Variants in PPP1R12A observed in about 807,000 individuals in gnomAD.
The protein encoded by PPP1R12A is protein phosphatase 1 regulatory subunit 12A.
A neutral mutation model predicts 139.6 loss-of-function variants in PPP1R12A; 19 were observed. The observed-to-expected ratio is 0.14, with a 90% confidence interval of 0.09 to 0.20. The LOEUF (loss-of-function observed/expected upper bound fraction) is 0.20. Among genes scored for constraint, PPP1R12A ranks in the 10% least tolerant of loss-of-function variants. The pLI is 1.00. For missense variants in PPP1R12A, 925 were observed against 1,211.5 expected, an observed-to-expected ratio of 0.76 and a Z score of 3.51; for synonymous variants, 427 against 420.6, an observed-to-expected ratio of 1.02 and a Z score of -0.19.
chr12:79,899,261 T>A lies in PPP1R12A; in HGVS notation c.238-26323A>T, dbSNP rs1393650590. ...ATATATATATATATATATATATATA[T>A]ATATATATATATATATATATATTCA... is the stretch of plus-strand genomic sequence containing the variant. On this transcript the variant is annotated intron_variant, in intron 1 of 24. Transcript: ENST00000450142. Among the ~76,000 whole-genome samples, 23 of 3,382 alleles carry A rather than the reference T, an allele frequency of 6.8e-3. 2 individuals carry two copies. The highest frequency in any genetic ancestry group is 0.013 in the African/African-American group (22 of 1,666). 2.2% of individuals were successfully genotyped at this position (3,382 alleles called of 152,430 possible).
intron 2 of PPP1R12A, among the ~76,000 whole-genome samples, chr12:79,860,904 T>A (rs774030234): frequency 1.3e-5 from 2 of 152,202 alleles, no homozygotes; most frequent in African/African-American, 4.8e-5. Flanking sequence ...GTGTAACGTA[T>A]GTGTAATACA....
intron 1 of PPP1R12A, among the ~76,000 whole-genome samples, chr12:79,900,776 T>C (rs576000911): frequency 6.6e-6 from 1 of 152,132 alleles, no homozygotes; most frequent in African/African-American, 2.4e-5. Context: ...CAGCAATCAA[T>C]GACATGTCAT....
chr12:79,779,424 A>G, intron 23 of PPP1R12A: 1 of 1,064,644 alleles, frequency 9.4e-7, no homozygotes, highest in South Asian at 1.3e-5. Flanking sequence ...TTCCCAGATT[A>G]ATAAATAATG....
Position 79,805,715 on chromosome 12 carries a change from A to G in PPP1R12A, c.1877T>C (p.Val626Ala), listed in dbSNP as rs1873744067. 7.4e-6 allele frequency: 12 copies of G among 1,613,378 alleles called. No individual in the cohort carries two copies. Among genetic ancestry groups the G allele is most frequent in the Non-Finnish European group, 1.0e-5 (12 of 1,179,616 alleles). Residue 626 changes from valine to alanine, a missense_variant, in exon 14 of 25, where the codon GTT becomes GCT. Physicochemically the swap from Val to Ala is moderately conservative, Grantham distance 64 (BLOSUM62 0). This residue lies in a region of PPP1R12A where 403 missense variants were observed against 463.7 expected (regional missense o/e 0.87). Coordinates refer to ENST00000450142, the MANE Select transcript of PPP1R12A (RefSeq NM_002480.3). ...AACAGGAATGGTCACTGCCGTAGGA[A>G]CACTGTCCTTTTCTTTCTCAGTACT... is the stretch of plus-strand genomic sequence containing the variant. Reference protein sequence around the residue: ...EDSTEKEKDSVPTAVTIPVAP... With the variant: ...EDSTEKEKDSAPTAVTIPVAP...
chr12:79,888,901 T>TTCTA (rs1233528556), intron 1 of PPP1R12A, among the ~76,000 whole-genome samples: 1 of 152,148 alleles, frequency 6.6e-6, no homozygotes, highest in Non-Finnish European at 1.5e-5. Flanking sequence ...AACAATTTGG[T>TTCTA]TCTATCTATC....
At chr12:79,875,821 C>T (rs1460288624) in intron 1 of PPP1R12A, among the ~76,000 whole-genome samples, 1 of 152,126 alleles carries the variant, frequency 6.6e-6, no homozygotes, top group Non-Finnish European at 1.5e-5. Context: ...CCTTTATCTA[C>T]CCATCCCCTT....
At chr12:79,781,683 T>C in intron 23 of PPP1R12A, 132 bp downstream of exon 23, 1 of 494,512 alleles carries the variant, frequency 2.0e-6, no homozygotes, top group Non-Finnish European at 3.5e-6. Context: ...TGCTGCAAAA[T>C]ACATTAACTC....
rs1439197067 is a variant in PPP1R12A at position 79,808,567 on chromosome 12, C to T, written c.1466G>A (p.Ser489Asn). The T allele has an allele frequency of 6.3e-7, 1 of 1,599,482 alleles. No homozygotes were observed. The highest frequency in any genetic ancestry group is 8.6e-7 in the Non-Finnish European group (1 of 1,168,876). Residue 489 changes from serine (S) to asparagine (N), a missense_variant, in exon 11 of 25, where the codon AGT becomes AAT. Ser to Asn is a conservative substitution (Grantham distance 46, BLOSUM62 1). Coordinates refer to ENST00000450142, the MANE Select transcript of PPP1R12A (RefSeq NM_002480.3). Reference protein sequence around the residue: ...SLDNKEKEKDSKGTRLAYVAP... With the variant: ...SLDNKEKEKDNKGTRLAYVAP... ...AACATATGCAAGCCTAGTTCCTTTA[C>T]TATCTTTCTCCTACACAACAGGGAA...
chr12:79,933,101 T>C (rs1271831237), intron 1 of PPP1R12A, among the ~76,000 whole-genome samples: 1 of 152,232 alleles, frequency 6.6e-6, no homozygotes, highest in African/African-American at 2.4e-5. Context: ...TTACGAGTTA[T>C]GATATGCCTT....
intron 2 of PPP1R12A, among the ~76,000 whole-genome samples, chr12:79,848,633 G>A (rs140383864): frequency 4.6e-5 from 7 of 152,158 alleles, no homozygotes; most frequent in Non-Finnish European, 8.8e-5. Flanking sequence ...AAAAGATTAC[G>A]TACGTGTGTA....
chr12:79,817,417 T>C lies in PPP1R12A; in HGVS notation c.1216A>G (p.Thr406Ala), dbSNP rs1463443429. 8.1e-6 allele frequency: 13 copies of C among 1,611,984 alleles called. No homozygotes were observed. Among genetic ancestry groups the C allele is most frequent in the East Asian group, 2.2e-5 (1 of 44,718 alleles). The change falls in exon 9 of 25, where the codon ACA becomes GCA. Residue 406 changes from threonine to alanine, a missense_variant. Thr to Ala is a moderately conservative substitution (Grantham distance 58). Coordinates refer to ENST00000450142, the MANE Select transcript of PPP1R12A (RefSeq NM_002480.3). Reference sequence around the variant, plus strand: ...ACCTTTTTAATAGGTGATGTAGGTGTTGCTTGACCTGATGACACAGTAGGT... The same window carrying C: ...ACCTTTTTAATAGGTGATGTAGGTGCTGCTTGACCTGATGACACAGTAGGT... ...TTPTVSSGQA[T>A]PTSPIKKFPT...
chr12:79,887,235 T>C (rs897722329), intron 1 of PPP1R12A, among the ~76,000 whole-genome samples: 1 of 152,180 alleles, frequency 6.6e-6, no homozygotes, highest in Non-Finnish European at 1.5e-5. Flanking sequence ...ACTGTGTGTA[T>C]GTATACATAA....
intron 5 of PPP1R12A, 75 bp from the exon 6 acceptor site, chr12:79,822,265 A>G: frequency 1.9e-6 from 2 of 1,046,530 alleles, no homozygotes; most frequent in Middle Eastern, 2.1e-4. Context: ...AATTCTGTAT[A>G]ATTTTATATA....
chr12:79,839,662 C>T (rs1424241894), intron 3 of PPP1R12A, among the ~76,000 whole-genome samples: 1 of 152,126 alleles, frequency 6.6e-6, no homozygotes, highest in African/African-American at 2.4e-5. Context: ...TTGCTTGGCA[C>T]TTCTCTCTCC....
chr12:79,852,117 A>C (rs1428323358), intron 2 of PPP1R12A, among the ~76,000 whole-genome samples: 1 of 151,644 alleles, frequency 6.6e-6, no homozygotes, highest in Non-Finnish European at 1.5e-5. Context: ...CCTGGTGTTC[A>C]TCTCTATTAA....
At chr12:79,859,153 G>A (rs1881017327) in intron 2 of PPP1R12A, among the ~76,000 whole-genome samples, 2 of 151,846 alleles carry the variant, frequency 1.3e-5, no homozygotes, top group Admixed American at 1.3e-4. Flanking sequence ...GGCTAACATG[G>A]TGAAATCCCA....
chr12:79,876,770 G>A (rs113499475), intron 1 of PPP1R12A, among the ~76,000 whole-genome samples: 162 of 152,228 alleles, frequency 1.1e-3, no homozygotes, highest in African/African-American at 3.7e-3. Context: ...GTTTTAAAGC[G>A]GGAGGCTGAG....
chr12:79,864,063 T>C (rs929986530), intron 2 of PPP1R12A, among the ~76,000 whole-genome samples: 2 of 152,204 alleles, frequency 1.3e-5, no homozygotes, highest in Admixed American at 1.3e-4. Flanking sequence ...ATGGCCCTTA[T>C]TCTAAAACTG....
At chr12:79,862,126 G>A (rs1350388972) in intron 2 of PPP1R12A, among the ~76,000 whole-genome samples, 1 of 152,156 alleles carries the variant, frequency 6.6e-6, no homozygotes, top group East Asian at 1.9e-4. Flanking sequence ...GGAAGGATCA[G>A]GCAGCAATAT....
Sources: gnomAD v4.1 joint callset for allele counts (sites outside exome capture counted in the v4.1 genomes callset) on GRCh38, gnomAD v4.1.1 for gene constraint, gnomAD v4.1.1 regional missense constraint, MANE v1.5 for transcripts, NCBI Gene and HGNC (gene_info 2026-07-23, HGNC 2026-07-21) for gene names.